The following MTHFD2L variants were observed in gnomAD, a reference collection of about 807,000 sequenced individuals.
MTHFD2L encodes methylenetetrahydrofolate dehydrogenase (NADP+ dependent) 2 like, also known as bifunctional methylenetetrahydrofolate dehydrogenase/cyclohydrolase 2, mitochondrial.
MTHFD2L carries 29 observed loss-of-function variants against 34.9 expected under a neutral mutation model. The ratio of observed to expected loss-of-function variants is 0.83; its 90% CI spans 0.62 to 1.13. The LOEUF (loss-of-function observed/expected upper bound fraction) is 1.13. Ranked by LOEUF, MTHFD2L falls within the 50% of genes most tolerant of loss-of-function variation. The pLI, the probability that MTHFD2L is intolerant of heterozygous loss-of-function variation, is 0.00. For synonymous variants in MTHFD2L, 167 were observed against 155.7 expected, an observed-to-expected ratio of 1.07 and a Z score of -0.54; for missense variants, 481 against 446.5, an observed-to-expected ratio of 1.08 and a Z score of -0.70.
chr4:74,256,071 T>C (rs377269083), intron 6 of MTHFD2L, among the ~76,000 whole-genome samples: 7 of 152,164 alleles, frequency 4.6e-5, no homozygotes, highest in Non-Finnish European at 1.0e-4. Flanking sequence ...ATTTGAGAAA[T>C]CTCCAAGCTG....
chr4:74,209,867 A>G (rs1424359230), intron 5 of MTHFD2L, among the ~76,000 whole-genome samples: 1 of 152,078 alleles, frequency 6.6e-6, no homozygotes, highest in Non-Finnish European at 1.5e-5. Context: ...TTGTTTCCTG[A>G]CTTTTTAATG....
At chr4:74,202,997 T>C (rs1734704648) in intron 5 of MTHFD2L, among the ~76,000 whole-genome samples, 1 of 152,196 alleles carries the variant, frequency 6.6e-6, no homozygotes, top group South Asian at 2.1e-4. Context: ...TTGATTGACA[T>C]GATACTTATG....
chr4:74,267,721 A>G, intron 6 of MTHFD2L: 1 of 985,346 alleles, frequency 1.0e-6, no homozygotes, highest in Non-Finnish European at 1.2e-6. Context: ...AGGTGCCCTC[A>G]GAGAATAAGG....
chr4:74,261,310 T>C lies in MTHFD2L; in HGVS notation c.806-20115T>C, dbSNP rs546351305. On this transcript the variant is annotated intron_variant, in intron 6 of 7. Coordinates refer to ENST00000325278, the MANE Select transcript of MTHFD2L (RefSeq NM_001144978.3). Reference sequence around the variant, plus strand: ...TTGCTGAATACAATAACAACGTAAATGTAGGTAGTATCTACAGATATCAAT... The same window carrying C: ...TTGCTGAATACAATAACAACGTAAACGTAGGTAGTATCTACAGATATCAAT... Among the ~76,000 whole-genome samples, 19 of 152,068 alleles carry C rather than the reference T, an allele frequency of 1.2e-4. No homozygotes were observed. In the South Asian group the frequency reaches 3.7e-3, roughly 30 times the overall value.
At chr4:74,229,177 A>G (rs2110133384) in intron 6 of MTHFD2L, among the ~76,000 whole-genome samples, 1 of 152,374 alleles carries the variant, frequency 6.6e-6, no homozygotes, top group South Asian at 2.1e-4. Context: ...AAAGATTGCT[A>G]CATTTCCAGT....
At chr4:74,137,116 G>A (rs756862827) in intron 1 of MTHFD2L, among the ~76,000 whole-genome samples, 2 of 152,050 alleles carry the variant, frequency 1.3e-5, no homozygotes, top group Non-Finnish European at 2.9e-5. Context: ...ATAGACAATT[G>A]GGATTACATC....
intron 1 of MTHFD2L, among the ~76,000 whole-genome samples, chr4:74,173,397 T>G (rs1266994089): frequency 6.6e-6 from 1 of 152,152 alleles, no homozygotes; most frequent in Non-Finnish European, 1.5e-5. Flanking sequence ...CTGTGGAAAC[T>G]TACTCCATTA....
At chr4:74,180,420 A>G (rs1036716643) in intron 3 of MTHFD2L, among the ~76,000 whole-genome samples, 3 of 152,176 alleles carry the variant, frequency 2.0e-5, no homozygotes, top group Non-Finnish European at 2.9e-5. Context: ...ATTATTTTCT[A>G]TAATTTGGTT....
Position 74,230,594 on chromosome 4 carries a change from A to G in MTHFD2L, c.805+5200A>G, listed in dbSNP as rs1484259668. ...AACAGAGCAAGACTCTGTCTCAGAA[A>G]AAAAAAAAAAAGAAAAAAGAAAAAA... On this transcript the variant is annotated intron_variant, in intron 6 of 7. Transcript: ENST00000325278. Among the ~76,000 whole-genome samples the G allele has an allele frequency of 3.4e-5, 5 of 149,076 alleles. No homozygotes were observed. In the South Asian group the frequency reaches 8.4e-4, roughly 25 times the overall value.
chr4:74,162,724 C>T (rs1725731207), intron 1 of MTHFD2L, among the ~76,000 whole-genome samples: 1 of 152,030 alleles, frequency 6.6e-6, no homozygotes, highest in African/African-American at 2.4e-5. Flanking sequence ...TATTACTATT[C>T]CCAGTTAACA....
At chr4:74,260,070 C>A (rs1009055289) in intron 6 of MTHFD2L, among the ~76,000 whole-genome samples, 6 of 152,174 alleles carry the variant, frequency 3.9e-5, no homozygotes, top group Non-Finnish European at 5.9e-5. Flanking sequence ...GGGCTCTAGG[C>A]AGACTGTAGT....
intron 1 of MTHFD2L, among the ~76,000 whole-genome samples, chr4:74,138,720 G>T (rs1164671661): frequency 1.3e-5 from 2 of 152,116 alleles, no homozygotes; most frequent in African/African-American, 4.8e-5. Context: ...AGCTCAGCTC[G>T]AGTGTAAGAA....
intron 1 of MTHFD2L, among the ~76,000 whole-genome samples, chr4:74,133,709 C>G (rs1156811323): frequency 6.6e-6 from 1 of 152,094 alleles, no homozygotes; most frequent in Non-Finnish European, 1.5e-5. Context: ...TGATAAGTAT[C>G]TGAATTGTTT....
chr4:74,244,565 A>G (rs1742153271), intron 6 of MTHFD2L, among the ~76,000 whole-genome samples: 1 of 152,190 alleles, frequency 6.6e-6, no homozygotes, highest in African/African-American at 2.4e-5. Flanking sequence ...TGTAATTTTT[A>G]TATTGTATAA....
At chr4:74,236,983 AC>A (rs1181313404) in intron 6 of MTHFD2L, among the ~76,000 whole-genome samples, 6 of 152,146 alleles carry the variant, frequency 3.9e-5, no homozygotes, top group Non-Finnish European at 7.4e-5. Context: ...GTTTAATAAC[AC>A]CCATATCAGG....
At chr4:74,162,279 G>A (rs996901536) in intron 1 of MTHFD2L, 1 of 152,024 alleles carries the variant, frequency 6.6e-6, no homozygotes, top group Admixed American at 6.5e-5. Context: ...GCTTTTTATT[G>A]TCTAGTTCTT....
intron 3 of MTHFD2L, among the ~76,000 whole-genome samples, chr4:74,199,392 C>G (rs1259313023): frequency 6.6e-6 from 1 of 152,012 alleles, no homozygotes; most frequent in Admixed American, 6.6e-5. Flanking sequence ...CTCCAATATT[C>G]GAAGTATTTA....
chr4:74,158,027 A>C, upstream of MTHFD2L: 3 of 1,464,962 alleles, frequency 2.0e-6, no homozygotes, highest in Non-Finnish European at 2.8e-6. Flanking sequence ...CTGGCTGGGA[A>C]GCGCTACTTG....
intron 1 of MTHFD2L, among the ~76,000 whole-genome samples, chr4:74,163,471 G>A (rs1312800153): frequency 6.6e-6 from 1 of 152,170 alleles, no homozygotes; most frequent in East Asian, 1.9e-4. Context: ...TACAGAGTCA[G>A]AAAGTTAACT....
Sources: allele counts gnomAD v4.1 joint callset (sites outside exome capture counted in the v4.1 genomes callset), GRCh38; gene constraint gnomAD v4.1.1; transcripts MANE v1.5; gene names NCBI Gene and HGNC (gene_info 2026-07-23, HGNC 2026-07-21).